The following TBXAS1 variants were observed in gnomAD, a reference collection of about 807,000 sequenced individuals.
TBXAS1 encodes thromboxane A synthase 1, also known as thromboxane-A synthase.
Under a neutral mutation model 60.7 loss-of-function variants are expected in TBXAS1, and 48 were observed. The ratio of observed to expected loss-of-function variants is 0.79; its 90% CI spans 0.63 to 1.01. The LOEUF is 1.01. Ranked by LOEUF, TBXAS1 falls within the 50% of genes least tolerant of loss-of-function variation. The pLI, the probability that TBXAS1 is intolerant of heterozygous loss-of-function variation, is 0.00. For missense variants in TBXAS1, 685 were observed against 686.3 expected, an observed-to-expected ratio of 1.00 and a Z score of 0.02; for synonymous variants, 287 against 269.7, an observed-to-expected ratio of 1.06 and a Z score of -0.63.
rs752538699 is a variant in TBXAS1, at chr7:140,020,038, T to C, written c.1541T>C (p.Leu514Pro). The C allele has an allele frequency of 4.3e-6, 7 of 1,611,200 alleles. No homozygotes were observed. The South Asian group carries it at 6.6e-5, about 15-fold the overall frequency. ...ACPETQVPLQ[L>P]ESKSALGPKN... ...TCTCTATTTTAGGTACCGCTGCAGC[T>C]AGAATCCAAATCTGCCCTAGGTCCA... The change falls in exon 13 of 13, where the codon CTA (leucine) becomes CCA (proline). Residue 514 changes from leucine to proline, a missense_variant. Transcript: ENST00000448866.
intron 1 of TBXAS1, among the ~76,000 whole-genome samples, chr7:139,868,085 T>A (rs1801556308): frequency 6.6e-6 from 1 of 152,218 alleles, no homozygotes; most frequent in African/African-American, 2.4e-5. Context: ...GTTGTCGTTT[T>A]CCAACTTAAG....
intron 9 of TBXAS1, among the ~76,000 whole-genome samples, chr7:139,990,797 C>G (rs1184258170): frequency 6.6e-6 from 1 of 151,468 alleles, no homozygotes; most frequent in East Asian, 2.0e-4. Context: ...CCTGCAAAAA[C>G]CCCTCCAACC....
rs564390721 is a variant in TBXAS1 at position 139,992,260 on chromosome 7, G to A, written c.1135-14831G>A. Among the ~76,000 whole-genome samples, 8 of 152,362 alleles carry A rather than the reference G, an allele frequency of 5.3e-5. No individual in the cohort carries two copies. The South Asian group carries it at 1.7e-3, about 32-fold the overall frequency. ...TCATGAAAACTCCAGGTCCATGGAA[G>A]ATAAGAAATTGGCTATCAAGGCTCT... On this transcript the variant is annotated intron_variant, in intron 9 of 12. Coordinates refer to ENST00000448866, the MANE Select transcript of TBXAS1 (RefSeq NM_001061.7).
intron 4 of TBXAS1, among the ~76,000 whole-genome samples, chr7:139,799,487 T>C (rs1171156763): frequency 1.3e-5 from 2 of 152,148 alleles, no homozygotes; most frequent in Admixed American, 6.5e-5. Flanking sequence ...TGCCTCGGCC[T>C]CCCAAGTGCT....
At chr7:139,804,027 A>G (rs1047631637) in intron 4 of TBXAS1, among the ~76,000 whole-genome samples, 8 of 152,268 alleles carry the variant, frequency 5.3e-5, no homozygotes, top group Admixed American at 5.2e-4. Flanking sequence ...GAAGAAGGCC[A>G]CCATCCTCCA....
chr7:139,858,155 A>G (rs1033779308), intron 1 of TBXAS1, among the ~76,000 whole-genome samples: 44 of 151,936 alleles, frequency 2.9e-4, no homozygotes, highest in African/African-American at 9.2e-4. Flanking sequence ...CCCCATGCTC[A>G]CTCTGCCCCA....
chr7:139,810,955 G>C (rs1247698452), intron 4 of TBXAS1, among the ~76,000 whole-genome samples: 1 of 152,138 alleles, frequency 6.6e-6, no homozygotes, highest in Non-Finnish European at 1.5e-5. Context: ...TATCTTGTAG[G>C]AATTATATGT....
chr7:139,980,869 C>T (rs1283076290), intron 9 of TBXAS1, among the ~76,000 whole-genome samples: 1 of 151,596 alleles, frequency 6.6e-6, no homozygotes, highest in East Asian at 2.0e-4. Context: ...TGTCATGTGC[C>T]CTCAGCAACA....
intron 4 of TBXAS1, among the ~76,000 whole-genome samples, chr7:139,823,173 T>C (rs375594591): frequency 2.0e-5 from 3 of 152,038 alleles, no homozygotes; most frequent in South Asian, 4.2e-4. Flanking sequence ...GCCGATCTCC[T>C]GTCCTCCTGT....
chr7:139,905,057 T>TTCTTTCTC lies in TBXAS1; in HGVS notation c.237-6165_237-6164insTTCTCTCT, dbSNP rs1247644902. Among the ~76,000 whole-genome samples the TTCTTTCTC allele has an allele frequency of 1.5e-3, 158 of 107,516 alleles. 2 individuals are homozygous for TTCTTTCTC. Among genetic ancestry groups the TTCTTTCTC allele is most frequent in the Middle Eastern group, 4.6e-3 (1 of 218 alleles). 70.5% of individuals were successfully genotyped at this position (107,516 alleles called of 152,430 possible). On this transcript the variant is annotated intron_variant, in intron 3 of 12. Transcript: ENST00000448866. ...TTTCTTTCTTTCTTTCTTTCTTTCTTTCTCTCTCTCTCTCTCTCTTTCTCT... is the reference window on the plus strand; with the variant it reads ...TTTCTTTCTTTCTTTCTTTCTTTCTTTCTTTCTCTCTCTCTCTCTCTCTCTCTTTCTCT...
At chr7:139,866,571 T>C (rs1245922337) in intron 1 of TBXAS1, among the ~76,000 whole-genome samples, 2 of 143,012 alleles carry the variant, frequency 1.4e-5, no homozygotes, top group African/African-American at 2.6e-5. Flanking sequence ...CTGGGCAACA[T>C]AGTGAGACCC....
chr7:139,875,743 A>G, intron 3 of TBXAS1, 106 bp downstream of exon 3: 2 of 1,384,206 alleles, frequency 1.4e-6, no homozygotes, highest in South Asian at 2.4e-5. Flanking sequence ...CAAGATTAGG[A>G]ATGTTGTATG....
intron 3 of TBXAS1, among the ~76,000 whole-genome samples, chr7:139,890,466 C>T (rs998101293): frequency 1.3e-5 from 2 of 152,104 alleles, no homozygotes; most frequent in South Asian, 2.1e-4. Context: ...CCACCCGCCT[C>T]GGCCTCCCAA....
chr7:139,818,383 G>C (rs1798208119), intron 4 of TBXAS1, among the ~76,000 whole-genome samples: 1 of 152,168 alleles, frequency 6.6e-6, no homozygotes, highest in Non-Finnish European at 1.5e-5. Flanking sequence ...TAAAGACAGG[G>C]ACTTGGCTAA....
intron 4 of TBXAS1, among the ~76,000 whole-genome samples, chr7:139,823,352 T>C (rs1299790820): frequency 6.6e-6 from 1 of 151,944 alleles, no homozygotes; most frequent in Non-Finnish European, 1.5e-5. Flanking sequence ...TCCCCAGTGA[T>C]TATTCAATAA....
intron 3 of TBXAS1, among the ~76,000 whole-genome samples, chr7:139,901,690 G>T (rs1804585908): frequency 6.6e-6 from 1 of 151,994 alleles, no homozygotes; most frequent in Non-Finnish European, 1.5e-5. Context: ...GGTCTGGTAG[G>T]TCTGGGTAGG....
rs565023111 is a variant in TBXAS1, at chr7:139,822,977, G to A, written c.-79-6335G>A. Among the ~76,000 whole-genome samples, 4 of 152,088 alleles carry A rather than the reference G, an allele frequency of 2.6e-5. No homozygotes were observed. The East Asian group carries it at 7.8e-4, about 30-fold the overall frequency. ...TTTCCCTGACCCTAGCATGAAAGATGAACTTCTTGGTATGGCCCGCAGTGC... is the reference window on the plus strand; with the variant it reads ...TTTCCCTGACCCTAGCATGAAAGATAAACTTCTTGGTATGGCCCGCAGTGC... On this transcript the variant is annotated intron_variant, in intron 4 of 16. Coordinates refer to the TBXAS1 transcript ENST00000336425.
rs1381166172 is a variant in TBXAS1 at position 139,916,538 on chromosome 7, T to A, written c.333+5217T>A. Among the ~76,000 whole-genome samples the A allele has an allele frequency of 6.6e-6, 1 of 152,152 alleles. No individual in the cohort carries two copies. Among genetic ancestry groups the A allele is most frequent in the Non-Finnish European group, 1.5e-5 (1 of 68,012 alleles). On this transcript the variant is annotated intron_variant, in intron 4 of 12. Transcript: ENST00000448866. The surrounding 1 kb of genome is among the most constrained non-coding windows in gnomAD (Gnocchi z 4.2). ...GGGTGGTTTTATCCCGAACCATCAA[T>A]ACCCGGCACCCTGGCTGCCCCAGGT...
intron 3 of TBXAS1, among the ~76,000 whole-genome samples, chr7:139,902,254 T>C (rs1439371239): frequency 1.3e-5 from 2 of 151,944 alleles, no homozygotes; most frequent in African/African-American, 4.8e-5. Context: ...TACCCCTGTA[T>C]AGCCACATGC....
Sources: allele counts gnomAD v4.1 joint callset (sites outside exome capture counted in the v4.1 genomes callset), GRCh38; gene constraint gnomAD v4.1.1; non-coding constraint Gnocchi (gnomAD v3.1); transcripts MANE v1.5; gene names NCBI Gene and HGNC (gene_info 2026-07-23, HGNC 2026-07-21).